Variants in MACF1 observed in about 807,000 individuals in gnomAD.
MACF1 encodes the protein microtubule actin crosslinking factor 1.
In MACF1, 193 loss-of-function variants were observed where a neutral mutation model predicts 854.8. That is an observed-to-expected ratio of 0.23 (90% confidence interval 0.20 to 0.25). MACF1 has a LOEUF of 0.25. MACF1 is among the 10% of genes least tolerant of loss of function. The probability of loss-of-function intolerance (pLI) is 1.00; values close to 1 mark genes in which losing one functional copy is unlikely to be tolerated. For synonymous variants in MACF1, 3,185 were observed against 3,226.7 expected (o/e 0.99, Z 0.44); for missense variants, 7,722 against 8,929.1 (o/e 0.86, Z 5.45).
At chr1:39,339,789 G>A (rs1646895615) in intron 38 of MACF1, among the ~76,000 whole-genome samples, 1 of 152,130 alleles carries the variant, frequency 6.6e-6, no homozygotes, top group Admixed American at 6.5e-5. Context: ...GGGAGGAAGA[G>A]TGGCTATTTC....
intron 98 of MACF1, among the ~76,000 whole-genome samples, chr1:39,480,519 C>T (rs1217222592): frequency 1.3e-5 from 2 of 152,154 alleles, no homozygotes; most frequent in Non-Finnish European, 2.9e-5. Flanking sequence ...GTCCCAGCTA[C>T]TCAGGAAGCT....
chr1:39,200,240 CT>C (rs1321012787), upstream of MACF1, among the ~76,000 whole-genome samples: 1 of 152,218 alleles, frequency 6.6e-6, no homozygotes, highest in African/African-American at 2.4e-5. Flanking sequence ...ATAGCTTACT[CT>C]TTTGGGTCTC....
intron 56 of MACF1, 42 bp downstream of exon 56, chr1:39,382,194 T>A (rs1272224232): frequency 6.4e-7 from 1 of 1,558,994 alleles, no homozygotes; most frequent in African/African-American, 1.3e-5. Flanking sequence ...CACATGAAAC[T>A]GGGTTTGAAT....
chr1:39,287,349 G>A lies in MACF1; in HGVS notation c.1572G>A (p.Lys524=), dbSNP rs1377107914. 1 of 1,614,146 alleles carries A rather than the reference G, an allele frequency of 6.2e-7. No individual in the cohort carries two copies. The highest frequency in any genetic ancestry group is 8.5e-7 in the Non-Finnish European group (1 of 1,180,028). The change falls in exon 15 of 101, where the codon AAG becomes AAA. Residue 524 remains lysine, a synonymous_variant. Coordinates refer to ENST00000564288, the MANE Select transcript of MACF1 (RefSeq NM_001394062.1). ...TAGAGTGTACAAACCTGTACCGGAA[G>A]GGTCATTTCACTTCACTTGAATTGG... ...LRLECTNLYR[K]GHFTSLELVP... is the part of the protein sequence containing the mutation.
rs1462710928 is a variant in MACF1, at chr1:39,105,859, C to T, written c.220+21421C>T. 3 of 629,548 alleles carry T rather than the reference C, an allele frequency of 4.8e-6. No individual in the cohort carries two copies. In the African/African-American group the frequency reaches 6.0e-5, roughly 13 times the overall value. 39.0% of individuals were successfully genotyped at this position (629,548 alleles called of 1,614,324 possible). A position where few individuals can be genotyped will look rare whatever the true frequency, so the allele number is the denominator to read the frequency against. The stretch of plus-strand genomic sequence containing the variant: ...GGGGCTTGGCCCTGAGCTGCTGCTT[C>T]TCGGGGCCAGTTTATTTACAGAGTT... On this transcript the variant is annotated intron_variant, in intron 2 of 93. Coordinates refer to the MACF1 transcript ENST00000361689. This position sits in a 1 kb window ranked among gnomAD's most constrained non-coding sequence, Gnocchi z 5.9.
chr1:39,347,719 G>A (rs565218175), intron 41 of MACF1, among the ~76,000 whole-genome samples: 34 of 152,210 alleles, frequency 2.2e-4, no homozygotes, highest in Admixed American at 1.8e-3. Flanking sequence ...TATTAGAATC[G>A]TATTAATTTT....
In MACF1 at chr1:39,283,205, A is replaced by T; in HGVS notation, c.712A>T (p.Met238Leu). The T allele has an allele frequency of 6.2e-7, 1 of 1,612,410 alleles. No homozygotes were observed. The highest frequency in any genetic ancestry group is 8.5e-7 in the Non-Finnish European group (1 of 1,178,440). ...IHRYRPDLVD[M>L]ERVQIQSNRE... ...CTTTTACAGACCCGATCTAGTAGAC[A>T]TGGAGAGGGTGCAAATCCAAAGTAA... Residue 238 changes from methionine to leucine, a missense_variant, in exon 8 of 101, where the codon ATG becomes TTG. Around this residue, in one of 15 missense-constraint regions of MACF1, gnomAD observed 108 missense variants for 196.4 expected, o/e 0.55. Transcript: ENST00000564288. The surrounding 1 kb of genome is among the most constrained non-coding windows in gnomAD (Gnocchi z 4.5).
intron 35 of MACF1, among the ~76,000 whole-genome samples, chr1:39,325,731 G>A (rs777590891): frequency 3.3e-5 from 5 of 152,172 alleles, no homozygotes; most frequent in Non-Finnish European, 5.9e-5. Context: ...GAAAGGTATG[G>A]ATAGAGGTAA....
chr1:39,393,196 A>AAAAATATATATATAT (rs57576149), intron 58 of MACF1, among the ~76,000 whole-genome samples: 3 of 66,564 alleles, frequency 4.5e-5, no homozygotes, highest in African/African-American at 1.7e-4. Flanking sequence ...AAAAAAAAAA[A>AAAAATATATATATAT]ATATATATAT....
intron 31 of MACF1, among the ~76,000 whole-genome samples, chr1:39,320,303 G>T (rs545913631): frequency 6.6e-6 from 1 of 152,068 alleles, no homozygotes; most frequent in Admixed American, 6.6e-5. Context: ...GCCCCCACAG[G>T]CTATTTTCCC....
intron 2 of MACF1, among the ~76,000 whole-genome samples, chr1:39,239,456 T>C (rs1273028665): frequency 2.0e-5 from 3 of 152,218 alleles, no homozygotes; most frequent in Non-Finnish European, 4.4e-5. Context: ...TCTGATCCAA[T>C]CTTAAAAGAG....
chr1:39,339,599 G>A (rs1314291789), intron 38 of MACF1, among the ~76,000 whole-genome samples: 1 of 152,206 alleles, frequency 6.6e-6, no homozygotes, highest in Non-Finnish European at 1.5e-5. Flanking sequence ...GAAGTCTTAG[G>A]TACAGGCAAG....
intron 49 of MACF1, 47 bp downstream of exon 49, chr1:39,361,724 C>G (rs1219550841): frequency 2.5e-6 from 4 of 1,582,860 alleles, no homozygotes; most frequent in Non-Finnish European, 3.5e-6. Context: ...AAGAGAAGGG[C>G]AGGGAGAGAA....
At chr1:39,310,021 G>A (rs1262116123) in intron 24 of MACF1, among the ~76,000 whole-genome samples, 2 of 152,196 alleles carry the variant, frequency 1.3e-5, no homozygotes, top group African/African-American at 4.8e-5. Flanking sequence ...ATTATTAAGA[G>A]TTATGTCCAG....
At chr1:39,116,943 T>C (rs1642563040) in intron 2 of MACF1, among the ~76,000 whole-genome samples, 1 of 152,178 alleles carries the variant, frequency 6.6e-6, no homozygotes, top group Non-Finnish European at 1.5e-5. Flanking sequence ...CAGTTGAGCT[T>C]TGCTTTCCAT....
At chr1:39,194,346 CTTTTCTTT>C (rs1437837895) in intron 2 of MACF1, among the ~76,000 whole-genome samples, 3 of 35,008 alleles carry the variant, frequency 8.6e-5, no homozygotes, top group East Asian at 2.5e-3. Context: ...CTTTTCTTTT[CTTTTCTTT>C]TTTTTTTTTT....
chr1:39,472,408 T>C (rs939523445), intron 97 of MACF1, among the ~76,000 whole-genome samples: 1 of 152,218 alleles, frequency 6.6e-6, no homozygotes, highest in Non-Finnish European at 1.5e-5. Context: ...TCCAACTGTT[T>C]ATTGTTTGTT....
intron 2 of MACF1, among the ~76,000 whole-genome samples, chr1:39,235,155 G>A (rs376309550): frequency 3.3e-5 from 5 of 152,194 alleles, no homozygotes; most frequent in African/African-American, 1.2e-4. Context: ...CAAGGCAGGC[G>A]GCTGGGAGGT....
At chr1:39,474,131 G>GT (rs1327570158) in intron 97 of MACF1, among the ~76,000 whole-genome samples, 5 of 152,092 alleles carry the variant, frequency 3.3e-5, no homozygotes, top group Non-Finnish European at 1.5e-5. Flanking sequence ...GCTCATGCCT[G>GT]TAATCCCAGC....
Sources: allele counts gnomAD v4.1 joint callset (sites outside exome capture counted in the v4.1 genomes callset), GRCh38; gene constraint gnomAD v4.1.1; regional missense constraint gnomAD v4.1.1; non-coding constraint Gnocchi (gnomAD v3.1); transcripts MANE v1.5; gene names NCBI Gene and HGNC (gene_info 2026-07-23, HGNC 2026-07-21).